CLNS1A: variants seen among roughly 807,000 people sequenced by gnomAD.
The protein encoded by CLNS1A is chloride nucleotide-sensitive channel 1A, also known as methylosome subunit pICln.
CLNS1A carries 16 observed loss-of-function variants against 29.4 expected under a neutral mutation model. The observed-to-expected ratio is 0.54, with a 90% confidence interval of 0.37 to 0.83. The LOEUF (loss-of-function observed/expected upper bound fraction) is 0.83, where lower values mean the gene tolerates loss of function less well. Among genes scored for constraint, CLNS1A ranks in the 40% least tolerant of loss-of-function variants. The pLI is 0.00. For synonymous variants in CLNS1A, 96 were observed against 104.8 expected (o/e 0.92, Z 0.51); for missense variants, 235 against 287.4 (o/e 0.82, Z 1.32).
At chr11:77,623,633 G>T (rs1376167119) in intron 4 of CLNS1A, among the ~76,000 whole-genome samples, 1 of 151,576 alleles carries the variant, frequency 6.6e-6, no homozygotes, top group East Asian at 1.9e-4. Context: ...ATACAAAAAG[G>T]ATGAAAAATT....
At chr11:77,633,420 G>C (rs1176169988) in intron 1 of CLNS1A, among the ~76,000 whole-genome samples, 2 of 152,118 alleles carry the variant, frequency 1.3e-5, no homozygotes, top group Non-Finnish European at 2.9e-5. Context: ...TTTACTCTTT[G>C]TATATATTCT....
In CLNS1A at chr11:77,622,654, G is replaced by C. The variant is rs1171796868; in HGVS notation, c.492C>G (p.Ile164Met). 8.7e-6 allele frequency: 14 copies of C among 1,603,244 alleles called. No individual in the cohort carries two copies. The highest frequency in any genetic ancestry group is 5.4e-5 in the African/African-American group (4 of 74,310). The change falls in exon 5 of 7, where the codon ATC becomes ATG. Residue 164 changes from isoleucine to methionine, a missense_variant. By Grantham distance (10) the Ile-to-Met change is conservative (BLOSUM62 1). Transcript: ENST00000525428. ...VEAHEQGQGDIPTFYTYEEGL... is the reference protein window; with the variant it reads ...VEAHEQGQGDMPTFYTYEEGL... ...CTTCTTCATAGGTGTAAAATGTAGG[G>C]ATGTCCCCCTGTCCTTGTTCTAAAC...
In CLNS1A at chr11:77,629,670, A is replaced by G. The variant is rs1041408836; in HGVS notation, c.262+93T>C. On this transcript the variant is annotated intron_variant, in intron 2 of 6. Transcript: ENST00000525428. ...CGGCCTCCCAGAGTGCTGGGATTACAGGCGTGAGCCACCGTGCCCGGCCTC... is the reference window on the plus strand; with the variant it reads ...CGGCCTCCCAGAGTGCTGGGATTACGGGCGTGAGCCACCGTGCCCGGCCTC... 3.2e-6 allele frequency: 4 copies of G among 1,236,364 alleles called. No homozygotes were observed. The African/African-American group carries it at 4.5e-5, about 14-fold the overall frequency. The allele number at this position is 1,236,364 out of a possible 1,614,324, so 76.6% of individuals were successfully genotyped here.
chr11:77,621,922 C>T lies in CLNS1A; in HGVS notation c.646+578G>A, dbSNP rs900773793. 1.3e-5 allele frequency: 6 copies of T among 455,534 alleles called. No homozygotes were observed. The Admixed American group carries it at 1.4e-4, about 11-fold the overall frequency. 28.2% of individuals were successfully genotyped at this position (455,534 alleles called of 1,614,324 possible). A position where few individuals can be genotyped will look rare whatever the true frequency, so the allele number is the denominator to read the frequency against. On this transcript the variant is annotated intron_variant, in intron 5 of 6. Transcript: ENST00000525428. ...GAACTTCTGAGGCAGCAGAATGCAA[C>T]ATAAACTCTTCTCTGGGTCTCCAGT...
At chr11:77,623,965 TG>T (rs1278914896) in intron 4 of CLNS1A, among the ~76,000 whole-genome samples, 1 of 152,222 alleles carries the variant, frequency 6.6e-6, no homozygotes, top group Non-Finnish European at 1.5e-5. Flanking sequence ...TGAAGGAACA[TG>T]TTAAATAAAG....
rs1014858926 is a variant in CLNS1A, at chr11:77,619,902, C to G, written c.647-207G>C. Among the ~76,000 whole-genome samples, 5 of 152,238 alleles carry G rather than the reference C, an allele frequency of 3.3e-5. No homozygotes were observed. The East Asian group carries it at 9.6e-4, about 29-fold the overall frequency. On this transcript the variant is annotated intron_variant, in intron 5 of 6. Transcript: ENST00000525428. ...CATCAAAATCAGTCTGCGACACTAA[C>G]TGTGTAAATTCTCACCCTCAATACT...
At chr11:77,631,914 T>G (rs554277090) in intron 1 of CLNS1A, among the ~76,000 whole-genome samples, 1 of 152,176 alleles carries the variant, frequency 6.6e-6, no homozygotes, top group South Asian at 2.1e-4. Context: ...ATTTTTGTAT[T>G]TTTAATAGAG....
chr11:77,617,467 G>A (rs902716370), intron 6 of CLNS1A, among the ~76,000 whole-genome samples: 1 of 151,074 alleles, frequency 6.6e-6, no homozygotes, highest in Non-Finnish European at 1.5e-5. Flanking sequence ...GCTTGAACCC[G>A]GGAGGCAGAG....
At chr11:77,637,478 C>A in intron 1 of CLNS1A, 112 bp downstream of exon 1, 1 of 1,390,688 alleles carries the variant, frequency 7.2e-7, no homozygotes, top group East Asian at 2.6e-5. Context: ...GCACGAGACC[C>A]CGCTCCCAGC....
chr11:77,633,142 T>A (rs2135777996), intron 1 of CLNS1A, among the ~76,000 whole-genome samples: 1 of 151,978 alleles, frequency 6.6e-6, no homozygotes, highest in South Asian at 2.1e-4. Context: ...CTGGCAATTT[T>A]AATTTGAACA....
chr11:77,637,195 G>C (rs147341738), intron 1 of CLNS1A, among the ~76,000 whole-genome samples: 2 of 125,520 alleles, frequency 1.6e-5, no homozygotes. Context: ...AAACCAGACC[G>C]TGCGTTAAGG....
At chr11:77,630,783 A>G (rs1474565455) in intron 1 of CLNS1A, among the ~76,000 whole-genome samples, 1 of 152,200 alleles carries the variant, frequency 6.6e-6, no homozygotes, top group Admixed American at 6.5e-5. Context: ...AATCCTGAAG[A>G]AGTCAAAAAA....
intron 1 of CLNS1A, among the ~76,000 whole-genome samples, chr11:77,636,646 C>G (rs1026915384): frequency 3.9e-5 from 6 of 152,166 alleles, no homozygotes; most frequent in Admixed American, 3.9e-4. Context: ...AGGGACTTCA[C>G]AAACGTAATT....
At chr11:77,617,110 G>A (rs1958911784) in intron 6 of CLNS1A, among the ~76,000 whole-genome samples, 1 of 152,264 alleles carries the variant, frequency 6.6e-6, no homozygotes, top group South Asian at 2.1e-4. Context: ...GCTCACACCT[G>A]TAATCCCAGC....
At chr11:77,625,145 G>C (rs1959003660) in intron 3 of CLNS1A, 75 bp from the exon 4 acceptor site, 4 of 1,027,748 alleles carry the variant, frequency 3.9e-6, no homozygotes, top group Non-Finnish European at 5.9e-6. Context: ...AAATTTAATG[G>C]GTACACAAAA....
intron 5 of CLNS1A, among the ~76,000 whole-genome samples, chr11:77,620,633 G>A (rs566668502): frequency 8.0e-5 from 12 of 150,734 alleles, no homozygotes; most frequent in East Asian, 2.0e-4. Context: ...ACCCCATGGC[G>A]AAATCTCTAA....
intron 2 of CLNS1A, among the ~76,000 whole-genome samples, chr11:77,627,329 C>G (rs1268225254): frequency 6.6e-6 from 1 of 150,902 alleles, no homozygotes; most frequent in South Asian, 2.1e-4. Flanking sequence ...GTCCCAGCTA[C>G]TCGGGAGGCT....
Position 77,637,567 on chromosome 11 carries a change from G to T in CLNS1A, c.125+23C>A, listed in dbSNP as rs531783124. ...GAGGAGGGCGGCGCGCAGGAGGCCA[G>T]CGCTGGGGACCAGGAACCCTACCTC... On this transcript the variant is annotated intron_variant, in intron 1 of 6. Coordinates refer to ENST00000525428, the MANE Select transcript of CLNS1A (RefSeq NM_001293.3). 3 of 1,591,076 alleles carry T rather than the reference G, an allele frequency of 1.9e-6. No homozygotes were observed. The South Asian group carries it at 3.4e-5, about 18-fold the overall frequency.
chr11:77,625,279 G>A (rs572041764), intron 3 of CLNS1A: 171 of 536,532 alleles, frequency 3.2e-4, no homozygotes, highest in Non-Finnish European at 4.8e-4. Flanking sequence ...TTCATGGCTC[G>A]TGGGATTTTC....
Sources: gnomAD v4.1 joint callset for allele counts (sites outside exome capture counted in the v4.1 genomes callset) on GRCh38, gnomAD v4.1.1 for gene constraint, MANE v1.5 for transcripts, NCBI Gene and HGNC (gene_info 2026-07-23, HGNC 2026-07-21) for gene names.